Variants in GMDS observed in about 807,000 individuals in gnomAD.
The protein encoded by GMDS is GDP-mannose 4,6 dehydratase.
Under a neutral mutation model 49.9 loss-of-function variants are expected in GMDS, and 20 were observed. That is an observed-to-expected ratio of 0.40 (90% CI 0.28 to 0.58). The LOEUF is 0.58. Ranked by LOEUF, GMDS falls within the 20% of genes least tolerant of loss-of-function variation. The pLI, the probability that GMDS is intolerant of heterozygous loss-of-function variation, is 0.42. For synonymous variants in GMDS, 177 were observed against 178.6 expected, an observed-to-expected ratio of 0.99 and a Z score of 0.07; for missense variants, 362 against 481.4, an observed-to-expected ratio of 0.75 and a Z score of 2.32.
chr6:1,773,557 C>T (rs538837369), intron 7 of GMDS, among the ~76,000 whole-genome samples: 3 of 152,280 alleles, frequency 2.0e-5, no homozygotes, highest in South Asian at 2.1e-4. Flanking sequence ...AATCTGAGCA[C>T]GTGTGGTGTG....
At chr6:2,005,423 T>C (rs913583818) in intron 4 of GMDS, among the ~76,000 whole-genome samples, 1 of 152,110 alleles carries the variant, frequency 6.6e-6, no homozygotes, top group Non-Finnish European at 1.5e-5. Flanking sequence ...CAGAGACAAA[T>C]TTATGTGTCT....
chr6:2,154,817 A>T (rs1298332501), intron 1 of GMDS, among the ~76,000 whole-genome samples: 1 of 139,352 alleles, frequency 7.2e-6, no homozygotes, highest in African/African-American at 2.8e-5. Flanking sequence ...GCTGAATTTC[A>T]TTTGGCTAAA....
At chr6:2,233,592 G>A (rs1213028204) in intron 1 of GMDS, among the ~76,000 whole-genome samples, 2 of 152,198 alleles carry the variant, frequency 1.3e-5, no homozygotes, top group African/African-American at 2.4e-5. Context: ...GGCTGAGGTG[G>A]GCAGATCACT....
At chr6:1,715,521 G>GT (rs1481882897) in intron 9 of GMDS, among the ~76,000 whole-genome samples, 1 of 152,230 alleles carries the variant, frequency 6.6e-6, no homozygotes, top group African/African-American at 2.4e-5. Flanking sequence ...GGGATAAGCG[G>GT]TAAGTGCTGA....
chr6:1,776,759 G>A (rs1193207534), intron 7 of GMDS, among the ~76,000 whole-genome samples: 1 of 152,096 alleles, frequency 6.6e-6, no homozygotes, highest in Non-Finnish European at 1.5e-5. Flanking sequence ...TTACACCATC[G>A]AAACCTGCCT....
At chr6:2,123,417 C>T (rs992205847) in intron 2 of GMDS, among the ~76,000 whole-genome samples, 4 of 152,214 alleles carry the variant, frequency 2.6e-5, no homozygotes, top group African/African-American at 9.6e-5. Flanking sequence ...GCTCAGCTAG[C>T]TCATTTTCTA....
intron 2 of GMDS, among the ~76,000 whole-genome samples, chr6:2,121,772 G>C (rs759471988): frequency 6.6e-6 from 1 of 152,182 alleles, no homozygotes; most frequent in Non-Finnish European, 1.5e-5. Context: ...GTCTAACTGT[G>C]CTACATGAAT....
rs909481487 is a variant in GMDS, at chr6:1,836,152, C to G, written c.772-93566G>C. 6.6e-6 allele frequency among the ~76,000 whole-genome samples: 1 copy of G among 152,210 alleles called. No individual in the cohort carries two copies. The highest frequency in any genetic ancestry group is 1.5e-5 in the Non-Finnish European group (1 of 68,042). ...AAAGTGCTGGGATTACAGGCCTGAG[C>G]CACCGTGCCTGGCCTCGTTTGCTTT... On this transcript the variant is annotated intron_variant, in intron 7 of 10. Coordinates refer to ENST00000380815, the MANE Select transcript of GMDS (RefSeq NM_001500.4). This position sits in a 1 kb window ranked among gnomAD's most constrained non-coding sequence, Gnocchi z 4.2.
chr6:1,997,313 TC>T (rs1766348150), intron 4 of GMDS, among the ~76,000 whole-genome samples: 1 of 151,674 alleles, frequency 6.6e-6, no homozygotes, highest in Admixed American at 6.6e-5. Context: ...ACGGAAACCA[TC>T]CTGGCCAACA....
chr6:2,198,696 G>T (rs910336487), intron 1 of GMDS, among the ~76,000 whole-genome samples: 2 of 152,164 alleles, frequency 1.3e-5, no homozygotes, highest in Admixed American at 1.3e-4. Context: ...TGCGAAACTG[G>T]AAAATATTAG....
chr6:1,882,498 C>T (rs1759409671), intron 7 of GMDS, among the ~76,000 whole-genome samples: 1 of 151,918 alleles, frequency 6.6e-6, no homozygotes, highest in African/African-American at 2.4e-5. Flanking sequence ...AAGTTAATTA[C>T]AAGATTCCAT....
chr6:1,845,093 G>GA (rs1370463882), intron 7 of GMDS, among the ~76,000 whole-genome samples: 1 of 152,182 alleles, frequency 6.6e-6, no homozygotes. Context: ...GTTACAGGAG[G>GA]AAAGTAGAAA....
rs562780985 is a variant in GMDS at position 1,960,898 on chromosome 6, T to C, written c.414A>G (p.Ala138=). ...AGTTGATAAGGCCACAAGTCTTAACTGCATCTAGAAGTCGTAGAGTGCCAA... is the reference window on the plus strand; with the variant it reads ...AGTTGATAAGGCCACAAGTCTTAACCGCATCTAGAAGTCGTAGAGTGCCAA... ...DGVGTLRLLD[A]VKTCGLINSV... The change falls in exon 5 of 11, where the codon GCA becomes GCG. Residue 138 remains alanine, a synonymous_variant. Coordinates refer to ENST00000380815, the MANE Select transcript of GMDS (RefSeq NM_001500.4). 6.2e-7 allele frequency: 1 copy of C among 1,609,892 alleles called. No individual in the cohort carries two copies. Among genetic ancestry groups the C allele is most frequent in the African/African-American group, 1.3e-5 (1 of 75,020 alleles).
At position 1,766,684 on chromosome 6, in the gene GMDS, C is replaced by T. The variant is rs1274358294; in HGVS notation, c.772-24098G>A. Among the ~76,000 whole-genome samples the T allele has an allele frequency of 6.6e-6, 1 of 152,216 alleles. No homozygotes were observed. The highest frequency in any genetic ancestry group is 1.5e-5 in the Non-Finnish European group (1 of 68,038). On this transcript the variant is annotated intron_variant, in intron 7 of 10. Coordinates refer to ENST00000380815, the MANE Select transcript of GMDS (RefSeq NM_001500.4). This position sits in a 1 kb window ranked among gnomAD's most constrained non-coding sequence, Gnocchi z 4.5. Reference sequence around the variant, plus strand: ...AAGGCCCAGCAAGCGCCCCGTTTCCCACAGACGGTTCCCACCTGGGGATGT... The same window carrying T: ...AAGGCCCAGCAAGCGCCCCGTTTCCTACAGACGGTTCCCACCTGGGGATGT...
At chr6:1,789,209 G>A (rs899861319) in intron 7 of GMDS, among the ~76,000 whole-genome samples, 3 of 152,218 alleles carry the variant, frequency 2.0e-5, no homozygotes, top group Non-Finnish European at 4.4e-5. Flanking sequence ...TTACATCAAC[G>A]TGTTCACTAC....
At chr6:1,706,658 C>T (rs887874035) in intron 9 of GMDS, among the ~76,000 whole-genome samples, 1 of 152,214 alleles carries the variant, frequency 6.6e-6, no homozygotes, top group Admixed American at 6.5e-5. Flanking sequence ...GCTGGGAGCA[C>T]GAGGCGTCCG....
At chr6:1,739,388 T>C (rs1767168415) in intron 8 of GMDS, among the ~76,000 whole-genome samples, 1 of 152,230 alleles carries the variant, frequency 6.6e-6, no homozygotes, top group Non-Finnish European at 1.5e-5. Flanking sequence ...AACCACTCCC[T>C]GCGTGCCGCG....
intron 4 of GMDS, among the ~76,000 whole-genome samples, chr6:2,016,603 G>T (rs1406065974): frequency 6.6e-6 from 1 of 152,142 alleles, no homozygotes; most frequent in East Asian, 1.9e-4. Context: ...GACGATTAAT[G>T]AACACTATAT....
intron 1 of GMDS, among the ~76,000 whole-genome samples, chr6:2,216,844 G>A (rs1321423477): frequency 6.6e-6 from 1 of 151,952 alleles, no homozygotes; most frequent in Non-Finnish European, 1.5e-5. Context: ...CTTCCCACCC[G>A]CCTCTCCTGG....
Sources: allele counts gnomAD v4.1 joint callset (sites outside exome capture counted in the v4.1 genomes callset), GRCh38; gene constraint gnomAD v4.1.1; non-coding constraint Gnocchi (gnomAD v3.1); transcripts MANE v1.5; gene names NCBI Gene and HGNC (gene_info 2026-07-23, HGNC 2026-07-21).